The following GLT1D1 variants were observed in gnomAD, a reference collection of about 807,000 sequenced individuals.
GLT1D1 encodes glycosyltransferase 1 domain containing 1.
Under a neutral mutation model 28.7 loss-of-function variants are expected in GLT1D1, and 21 were observed. That is an observed-to-expected ratio of 0.73 (90% confidence interval 0.52 to 1.05). The LOEUF is 1.05. GLT1D1 is among the 50% of genes least tolerant of loss of function. The pLI, the probability that GLT1D1 is intolerant of heterozygous loss-of-function variation, is 0.00. For missense variants in GLT1D1, 343 were observed against 330.6 expected (o/e 1.04, Z -0.29); for synonymous variants, 147 against 124.8 (o/e 1.18, Z -1.19).
intron 4 of GLT1D1, among the ~76,000 whole-genome samples, chr12:128,919,991 C>CT (rs1872517886): frequency 0.032 from 284 of 8,818 alleles, 21 homozygotes; most frequent in African/African-American, 0.11. Flanking sequence ...CTCTCTCTCT[C>CT]CCCCTCCATC....
chr12:128,860,881 C>T (rs957540702), intron 1 of GLT1D1, among the ~76,000 whole-genome samples: 6 of 152,106 alleles, frequency 3.9e-5, no homozygotes, highest in African/African-American at 1.4e-4. Context: ...AGGCCGTCCT[C>T]ACGGAACCGG....
At chr12:128,862,043 T>C (rs1156274749) in intron 1 of GLT1D1, among the ~76,000 whole-genome samples, 1 of 152,202 alleles carries the variant, frequency 6.6e-6, no homozygotes, top group Non-Finnish European at 1.5e-5. Context: ...AAGATAGCCA[T>C]TGAGGCCAGC....
At chr12:128,869,984 T>C (rs950414346) in intron 1 of GLT1D1, among the ~76,000 whole-genome samples, 4 of 150,614 alleles carry the variant, frequency 2.7e-5, no homozygotes, top group African/African-American at 4.9e-5. Flanking sequence ...TGTCATGGCT[T>C]ACTGCAACCT....
intron 6 of GLT1D1, among the ~76,000 whole-genome samples, chr12:128,956,076 G>C (rs956488244): frequency 6.7e-6 from 1 of 148,730 alleles, no homozygotes; most frequent in South Asian, 2.2e-4. Flanking sequence ...GGAGAATGGC[G>C]TGAACCCGAG....
chr12:128,859,408 G>A (rs1956304487), intron 1 of GLT1D1, among the ~76,000 whole-genome samples: 1 of 152,208 alleles, frequency 6.6e-6, no homozygotes, highest in South Asian at 2.1e-4. Flanking sequence ...CACAGAGGAT[G>A]TGCCGAGGAG....
chr12:128,927,063 A>C (rs1039836622), intron 4 of GLT1D1, 42 bp from the exon 8 acceptor site: 93 of 1,449,562 alleles, frequency 6.4e-5, no homozygotes, highest in Admixed American at 1.8e-4. Flanking sequence ...TGTGACTTAA[A>C]CCCATTTGAA....
intron 1 of GLT1D1, among the ~76,000 whole-genome samples, chr12:128,854,819 T>C (rs139156789): frequency 5.9e-5 from 9 of 152,218 alleles, no homozygotes; most frequent in East Asian, 1.9e-4. Flanking sequence ...AAATGAGCAA[T>C]TGAGACTCCA....
At chr12:128,936,430 A>T (rs1169880388) in intron 4 of GLT1D1, among the ~76,000 whole-genome samples, 1 of 152,222 alleles carries the variant, frequency 6.6e-6, no homozygotes, top group Non-Finnish European at 1.5e-5. Flanking sequence ...CTGGGATGAC[A>T]GGCGTGAGCC....
chr12:128,887,573 T>C (rs1868548153), intron 2 of GLT1D1, among the ~76,000 whole-genome samples: 1 of 152,000 alleles, frequency 6.6e-6, no homozygotes, highest in Non-Finnish European at 1.5e-5. Context: ...AGTAAGTTGC[T>C]TCTCAAACTG....
intron 6 of GLT1D1, among the ~76,000 whole-genome samples, chr12:128,949,848 G>A (rs979752450): frequency 2.6e-5 from 4 of 151,638 alleles, no homozygotes; most frequent in East Asian, 1.9e-4. Flanking sequence ...GCACACGCAC[G>A]TACACACACG....
At position 128,908,345 on chromosome 12, in the gene GLT1D1, TCC is replaced by T. The variant is rs1491571022; in HGVS notation, c.375+9060_375+9061del. Among the ~76,000 whole-genome samples the T allele has an allele frequency of 2.7e-3, 308 of 112,914 alleles. 1 individual carries two copies. The highest frequency in any genetic ancestry group is 9.1e-3 in the African/African-American group (254 of 27,802). 74.1% of individuals were successfully genotyped at this position (112,914 alleles called of 152,430 possible). The stretch of plus-strand genomic sequence containing the variant: ...TTCCTTCTTTCTTTCTTTCTTTCTT[TCC>T]CTTTCTTTCTTTCTTTTCTTTCTTT... On this transcript the variant is annotated intron_variant, in intron 4 of 7. Coordinates refer to ENST00000281703, the MANE Select transcript of GLT1D1 (RefSeq NM_144669.3).
intron 1 of GLT1D1, among the ~76,000 whole-genome samples, chr12:128,867,236 A>G (rs1204264017): frequency 6.6e-6 from 1 of 151,616 alleles, no homozygotes; most frequent in Non-Finnish European, 1.5e-5. Context: ...TCTACTAAAA[A>G]TACAAAATTA....
chr12:128,957,667 A>T, intron 7 of GLT1D1, 24 bp downstream of exon 11: 1 of 1,374,482 alleles, frequency 7.3e-7, no homozygotes, highest in Non-Finnish European at 1.0e-6. Context: ...CTTTCCCTCC[A>T]TTCACTCACC....
intron 1 of GLT1D1, among the ~76,000 whole-genome samples, chr12:128,869,587 C>T (rs1055786761): frequency 1.4e-4 from 21 of 151,978 alleles, no homozygotes; most frequent in South Asian, 4.1e-4. Flanking sequence ...TATATATTTA[C>T]GTATAAGTAG....
At chr12:128,977,861 C>T (rs1423251174) in intron 7 of GLT1D1, among the ~76,000 whole-genome samples, 1 of 149,982 alleles carries the variant, frequency 6.7e-6, no homozygotes, top group Non-Finnish European at 1.5e-5. Flanking sequence ...CAGCTCACTG[C>T]AACCTCTGCC....
At chr12:128,911,461 G>A (rs781485863) in intron 4 of GLT1D1, among the ~76,000 whole-genome samples, 2 of 152,218 alleles carry the variant, frequency 1.3e-5, no homozygotes, top group Admixed American at 6.5e-5. Context: ...TCCCTACACC[G>A]AGGAAGGACA....
chr12:128,875,897 TG>T lies in GLT1D1; in HGVS notation c.69-16del. The T allele has an allele frequency of 6.2e-7, 1 of 1,608,388 alleles. No individual in the cohort carries two copies. Among genetic ancestry groups the T allele is most frequent in the Non-Finnish European group, 8.5e-7 (1 of 1,177,274 alleles). On this transcript the variant is annotated splice_polypyrimidine_tract_variant and intron_variant, in intron 1 of 7. Transcript: ENST00000281703. ...TTTTCCCCTCATCTTCTCCTTTCTC[TG>T]TATTTTTTGATAAAGGGCCCATCTA...
chr12:128,876,847 C>T (rs1237280109), intron 2 of GLT1D1, among the ~76,000 whole-genome samples: 1 of 152,136 alleles, frequency 6.6e-6, no homozygotes, highest in Non-Finnish European at 1.5e-5. Flanking sequence ...TCCAACAAGG[C>T]AATGGGCCCC....
chr12:128,965,106 G>A (rs919793543), intron 7 of GLT1D1, among the ~76,000 whole-genome samples: 1 of 152,198 alleles, frequency 6.6e-6, no homozygotes, highest in African/African-American at 2.4e-5. Context: ...GAGGGATTTT[G>A]CAGATGTGAT....
Sources: allele counts gnomAD v4.1 joint callset (sites outside exome capture counted in the v4.1 genomes callset), GRCh38; gene constraint gnomAD v4.1.1; transcripts MANE v1.5; gene names NCBI Gene and HGNC (gene_info 2026-07-23, HGNC 2026-07-21).